Variants in RFX3 observed in about 807,000 individuals in gnomAD.
RFX3 encodes the protein transcription factor RFX3.
RFX3 carries 14 observed loss-of-function variants against 98.6 expected under a neutral mutation model. The observed-to-expected ratio is 0.14, with a 90% CI of 0.09 to 0.22. The LOEUF is 0.22. Ranked by LOEUF, RFX3 falls within the 10% of genes least tolerant of loss-of-function variation. The probability of loss-of-function intolerance (pLI) is 1.00; values close to 1 mark genes in which losing one functional copy is unlikely to be tolerated. For missense variants in RFX3, 639 were observed against 926.9 expected (o/e 0.69, Z 4.03); for synonymous variants, 383 against 328.4 (o/e 1.17, Z -1.80).
At position 3,504,457 on chromosome 9, in the gene RFX3, TGCC is replaced by T. The variant is rs1816511065; in HGVS notation, c.-9+21287_-9+21289del. ...TATTGTATATAAAATATATATTATA[TGCC>T]ATATGGTATATATTGTATATAAAAT... On this transcript the variant is annotated intron_variant, in intron 1 of 16. Transcript: ENST00000617270. Among the ~76,000 whole-genome samples the T allele has an allele frequency of 3.9e-4, 51 of 129,152 alleles. 1 individual carries two copies. The highest frequency in any genetic ancestry group is 1.6e-3 in the African/African-American group (51 of 32,880). The allele number at this position is 129,152 out of a possible 152,430, so 84.7% of individuals were successfully genotyped here. A position where few individuals can be genotyped will look rare whatever the true frequency, so the allele number is the denominator to read the frequency against.
intron 3 of RFX3, among the ~76,000 whole-genome samples, chr9:3,333,649 A>G (rs1378323431): frequency 6.6e-6 from 1 of 152,166 alleles, no homozygotes; most frequent in East Asian, 1.9e-4. Context: ...CAGTGGCCCC[A>G]CTTAACTGTG....
chr9:3,383,079 A>G (rs1310066954), intron 2 of RFX3, among the ~76,000 whole-genome samples: 1 of 152,132 alleles, frequency 6.6e-6, no homozygotes, highest in African/African-American at 2.4e-5. Context: ...TCCTAGAAAA[A>G]TTGCAAGAAT....
intron 4 of RFX3, chr9:3,324,193 A>G (rs1429330012): frequency 2.1e-5 from 5 of 238,196 alleles, no homozygotes. Context: ...TTTTTAAAAA[A>G]TATTGAGGCT....
intron 1 of RFX3, among the ~76,000 whole-genome samples, chr9:3,475,902 G>C (rs545528336): frequency 7.2e-5 from 11 of 152,186 alleles, no homozygotes; most frequent in Non-Finnish European, 1.6e-4. Flanking sequence ...TTTTCCCTTC[G>C]CACTGACGCT....
intron 1 of RFX3, among the ~76,000 whole-genome samples, chr9:3,492,444 A>G (rs2133525337): frequency 6.6e-6 from 1 of 152,316 alleles, no homozygotes; most frequent in Non-Finnish European, 1.5e-5. Flanking sequence ...TTGGGAGGCA[A>G]GAAGTCTGCA....
intron 1 of RFX3, among the ~76,000 whole-genome samples, chr9:3,445,573 C>A (rs149667340): frequency 6.6e-6 from 1 of 152,104 alleles, no homozygotes; most frequent in Non-Finnish European, 1.5e-5. Flanking sequence ...ATGATCACTG[C>A]GTACAGACTC....
At chr9:3,457,171 GA>G (rs1334626741) in intron 1 of RFX3, among the ~76,000 whole-genome samples, 1 of 70,328 alleles carries the variant, frequency 1.4e-5, no homozygotes, top group Non-Finnish European at 2.9e-5. Context: ...AAAAAAAAAA[GA>G]AAAGAATTGT....
intron 1 of RFX3, among the ~76,000 whole-genome samples, chr9:3,463,937 C>T (rs1245273281): frequency 6.6e-6 from 1 of 152,098 alleles, no homozygotes; most frequent in Non-Finnish European, 1.5e-5. Context: ...CATGCCACTG[C>T]ACTCCTGCCT....
At chr9:3,375,466 A>G (rs965385804) in intron 2 of RFX3, among the ~76,000 whole-genome samples, 13 of 152,216 alleles carry the variant, frequency 8.5e-5, no homozygotes, top group African/African-American at 3.1e-4. Flanking sequence ...AGGTTTCTCA[A>G]TACAAGCTGA....
rs7849132 is a variant in RFX3 at position 3,225,538 on chromosome 9, T to A, written c.2012-258A>T. 0.019 allele frequency among the ~76,000 whole-genome samples: 2,842 copies of A among 147,292 alleles called. 49 individuals are homozygous for A. The highest frequency in any genetic ancestry group is 0.056 in the African/African-American group (2,112 of 37,516). ...GTGATTGATACTTTGTTAACTTTTT[T>A]AAAAAAAAAGGCCTTTGGAATTTCC... is the stretch of plus-strand genomic sequence containing the variant. On this transcript the variant is annotated intron_variant, in intron 16 of 16. Coordinates refer to ENST00000617270, the MANE Select transcript of RFX3 (RefSeq NM_001282116.2).
intron 1 of RFX3, among the ~76,000 whole-genome samples, chr9:3,401,617 C>G (rs1841476247): frequency 6.6e-6 from 1 of 152,078 alleles, no homozygotes; most frequent in African/African-American, 2.4e-5. Context: ...ATGATGCAGC[C>G]CATATGTAAA....
At chr9:3,477,316 T>G (rs1433800681) in intron 1 of RFX3, among the ~76,000 whole-genome samples, 1 of 152,200 alleles carries the variant, frequency 6.6e-6, no homozygotes, top group Non-Finnish European at 1.5e-5. Context: ...CGGATTAAAA[T>G]TTACCATTAA....
At chr9:3,474,371 C>G (rs1387833808) in intron 1 of RFX3, among the ~76,000 whole-genome samples, 1 of 152,102 alleles carries the variant, frequency 6.6e-6, no homozygotes, top group Non-Finnish European at 1.5e-5. Context: ...ACTACAAGAA[C>G]CAATCTCATC....
At chr9:3,397,646 A>T (rs539082473) in intron 1 of RFX3, among the ~76,000 whole-genome samples, 2 of 152,002 alleles carry the variant, frequency 1.3e-5, no homozygotes, top group South Asian at 2.1e-4. Flanking sequence ...TTTCACTTTG[A>T]CTCTGTGCTT....
At chr9:3,273,638 T>G (rs916623471) in intron 9 of RFX3, among the ~76,000 whole-genome samples, 3 of 151,782 alleles carry the variant, frequency 2.0e-5, no homozygotes, top group African/African-American at 7.3e-5. Flanking sequence ...CTGAAGCGGG[T>G]GGATCACTTC....
intron 12 of RFX3, among the ~76,000 whole-genome samples, chr9:3,265,258 T>C (rs1354300845): frequency 2.0e-5 from 3 of 152,236 alleles, no homozygotes; most frequent in Non-Finnish European, 4.4e-5. Flanking sequence ...CACACGTGGC[T>C]GGCCCTACTG....
chr9:3,504,789 T>C (rs1452322134), intron 1 of RFX3, among the ~76,000 whole-genome samples: 1 of 105,150 alleles, frequency 9.5e-6, no homozygotes. Context: ...GTATATAAAA[T>C]ATATATTATA....
chr9:3,266,711 T>G (rs1053975407), intron 11 of RFX3, among the ~76,000 whole-genome samples: 1 of 152,084 alleles, frequency 6.6e-6, no homozygotes, highest in Non-Finnish European at 1.5e-5. Context: ...GCTCTTAATC[T>G]ATTTTCATTT....
At chr9:3,339,544 G>A (rs1833623052) in intron 3 of RFX3, among the ~76,000 whole-genome samples, 2 of 152,162 alleles carry the variant, frequency 1.3e-5, no homozygotes. Context: ...AAGCCACCAA[G>A]TAGTCAGCTC....
Sources: gnomAD v4.1 joint callset for allele counts (sites outside exome capture counted in the v4.1 genomes callset) on GRCh38, gnomAD v4.1.1 for gene constraint, MANE v1.5 for transcripts, NCBI Gene and HGNC (gene_info 2026-07-23, HGNC 2026-07-21) for gene names.